TTC28: variants seen among roughly 807,000 people sequenced by gnomAD.
The protein encoded by TTC28 is tetratricopeptide repeat protein 28.
Under a neutral mutation model 198.0 loss-of-function variants are expected in TTC28, and 61 were observed. The observed-to-expected ratio is 0.31, with a 90% CI of 0.25 to 0.38. TTC28 has a LOEUF of 0.38. Ranked by LOEUF, TTC28 falls within the 10% of genes least tolerant of loss-of-function variation. The pLI is 1.00. For missense variants in TTC28, 2,678 were observed against 3,164.0 expected (o/e 0.85, Z 3.69); for synonymous variants, 1,171 against 1,297.8 (o/e 0.90, Z 2.10).
chr22:28,359,395 C>A (rs1415748867), intron 2 of TTC28, among the ~76,000 whole-genome samples: 1 of 152,116 alleles, frequency 6.6e-6, no homozygotes, highest in Non-Finnish European at 1.5e-5. Context: ...ATTGATCAAG[C>A]AAATTGGTTT....
intron 1 of TTC28, among the ~76,000 whole-genome samples, chr22:28,672,583 A>AC (rs1405201841): frequency 6.6e-6 from 1 of 152,190 alleles, no homozygotes; most frequent in East Asian, 1.9e-4. Flanking sequence ...TACAGGCATG[A>AC]CCCACCACAC....
intron 5 of TTC28, among the ~76,000 whole-genome samples, chr22:28,170,623 G>GT (rs1174875792): frequency 1.3e-5 from 2 of 152,166 alleles, no homozygotes; most frequent in Admixed American, 6.5e-5. Flanking sequence ...TTCTTCCACG[G>GT]TAAATGGATA....
chr22:28,471,066 G>A (rs1274457590), intron 2 of TTC28, among the ~76,000 whole-genome samples: 2 of 152,184 alleles, frequency 1.3e-5, no homozygotes, highest in Non-Finnish European at 2.9e-5. Context: ...GAGGAAAGCA[G>A]TCCATTTTCA....
intron 12 of TTC28, among the ~76,000 whole-genome samples, chr22:28,053,035 T>C (rs1352261794): frequency 6.6e-6 from 1 of 152,254 alleles, no homozygotes; most frequent in African/African-American, 2.4e-5. Flanking sequence ...TAAATATTTG[T>C]TTCTAGGTTT....
At chr22:28,277,837 A>G (rs1013455122) in intron 5 of TTC28, among the ~76,000 whole-genome samples, 21 of 152,166 alleles carry the variant, frequency 1.4e-4, no homozygotes, top group Non-Finnish European at 2.6e-4. Flanking sequence ...CGAGGATCCC[A>G]AAGTTAAAAA....
intron 20 of TTC28, among the ~76,000 whole-genome samples, chr22:27,990,394 C>T (rs1476095605): frequency 6.6e-6 from 1 of 152,198 alleles, no homozygotes; most frequent in Admixed American, 6.5e-5. Flanking sequence ...CGAAGTGGAA[C>T]CCGGTTACAT....
chr22:28,124,379 T>C (rs1331361866), intron 6 of TTC28, among the ~76,000 whole-genome samples: 4 of 152,198 alleles, frequency 2.6e-5, no homozygotes, highest in Non-Finnish European at 4.4e-5. Context: ...AATGATAATA[T>C]ATATAGTGCT....
chr22:28,056,710 A>G (rs1212862174), intron 12 of TTC28, among the ~76,000 whole-genome samples: 2 of 152,210 alleles, frequency 1.3e-5, no homozygotes, highest in African/African-American at 4.8e-5. Flanking sequence ...AAGTTTTGAC[A>G]AAGGCATGCA....
intron 5 of TTC28, among the ~76,000 whole-genome samples, chr22:28,266,243 A>C (rs1470335061): frequency 2.6e-5 from 4 of 152,010 alleles, no homozygotes; most frequent in African/African-American, 4.8e-5. Flanking sequence ...TGAAAAAGTT[A>C]GCTAAGCTGA....
intron 2 of TTC28, among the ~76,000 whole-genome samples, chr22:28,452,012 GTA>G (rs1248364510): frequency 2.6e-5 from 4 of 152,106 alleles, no homozygotes; most frequent in African/African-American, 9.7e-5. Context: ...GTGTATGTGT[GTA>G]TGTGTGTGTG....
intron 2 of TTC28, among the ~76,000 whole-genome samples, chr22:28,624,727 C>A (rs1301800071): frequency 1.3e-5 from 2 of 151,944 alleles, no homozygotes; most frequent in Non-Finnish European, 2.9e-5. Flanking sequence ...GAATACTTTA[C>A]AACTCATTAC....
intron 13 of TTC28, among the ~76,000 whole-genome samples, chr22:28,025,759 A>G (rs1938806238): frequency 6.6e-6 from 1 of 152,144 alleles, no homozygotes; most frequent in Non-Finnish European, 1.5e-5. Context: ...GGTCCCTGTT[A>G]CTCAGGAGGC....
chr22:28,279,981 C>G (rs2044553324), intron 5 of TTC28, among the ~76,000 whole-genome samples: 1 of 152,174 alleles, frequency 6.6e-6, no homozygotes, highest in Non-Finnish European at 1.5e-5. Flanking sequence ...TTTTTACATC[C>G]ATTCTTCCAT....
At chr22:28,300,339 C>G (rs2044994311) in intron 3 of TTC28, among the ~76,000 whole-genome samples, 1 of 152,146 alleles carries the variant, frequency 6.6e-6, no homozygotes, top group African/African-American at 2.4e-5. Flanking sequence ...GATATCTTTT[C>G]CTATAGCAAC....
At chr22:28,071,966 CG>C (rs1209240312) in intron 12 of TTC28, among the ~76,000 whole-genome samples, 1 of 152,050 alleles carries the variant, frequency 6.6e-6, no homozygotes, top group Non-Finnish European at 1.5e-5. Context: ...TACTAGGAAT[CG>C]GAAGAGTTTC....
chr22:28,094,141 C>T lies in TTC28; in HGVS notation c.3871G>A (p.Ala1291Thr). 1.3e-6 allele frequency: 2 copies of T among 1,551,658 alleles called. No individual in the cohort carries two copies. Among genetic ancestry groups the T allele is most frequent in the East Asian group, 2.4e-5 (1 of 40,922 alleles). The change falls in exon 12 of 23, where the codon GCC (alanine) becomes ACC (threonine). Residue 1291 changes from alanine to threonine, a missense_variant. Physicochemically the swap from Ala to Thr is moderately conservative, Grantham distance 58 (BLOSUM62 0). Transcript: ENST00000397906. ...SVTLPTATGS[A>T]LEQHIASVRE... ...ACACTGGCAATGTGCTGCTCCAGGG[C>T]TGAGCCGGTTGCTGTTGGAAGGGTT... is the stretch of plus-strand genomic sequence containing the variant.
intron 5 of TTC28, among the ~76,000 whole-genome samples, chr22:28,190,203 C>T (rs985558795): frequency 6.6e-6 from 1 of 152,198 alleles, no homozygotes; most frequent in African/African-American, 2.4e-5. Context: ...TATCAGTTAC[C>T]ATCTGCTGAG....
At chr22:28,221,155 G>C (rs900340916) in intron 5 of TTC28, among the ~76,000 whole-genome samples, 1 of 152,148 alleles carries the variant, frequency 6.6e-6, no homozygotes, top group Middle Eastern at 3.4e-3. Context: ...AGAAGAATAC[G>C]GGCCCTAGGA....
At chr22:28,537,302 A>ATAC (rs1569009018) in intron 2 of TTC28, among the ~76,000 whole-genome samples, 62 of 130,566 alleles carry the variant, frequency 4.7e-4, no homozygotes, top group Non-Finnish European at 8.3e-4. Flanking sequence ...CAAAAATAAA[A>ATAC]TAAAATAAAA....
Sources: gnomAD v4.1 joint callset for allele counts (sites outside exome capture counted in the v4.1 genomes callset) on GRCh38, gnomAD v4.1.1 for gene constraint, MANE v1.5 for transcripts, NCBI Gene and HGNC (gene_info 2026-07-23, HGNC 2026-07-21) for gene names.